The following MEI4 variants were observed in gnomAD, a reference collection of about 807,000 sequenced individuals.
MEI4 encodes the protein meiotic double-stranded break formation protein 4.
A neutral mutation model predicts 31.4 loss-of-function variants in MEI4; 27 were observed. That is an observed-to-expected ratio of 0.86 (90% CI 0.63 to 1.19). The LOEUF is 1.19. Ranked by LOEUF, MEI4 falls within the 50% of genes most tolerant of loss-of-function variation. The pLI is 0.00. For missense variants in MEI4, 329 were observed against 398.9 expected, an observed-to-expected ratio of 0.82 and a Z score of 1.49; for synonymous variants, 122 against 145.4, an observed-to-expected ratio of 0.84 and a Z score of 1.16.
At chr6:77,844,849 G>T (rs1770443548) in intron 4 of MEI4, among the ~76,000 whole-genome samples, 1 of 152,108 alleles carries the variant, frequency 6.6e-6, no homozygotes, top group Admixed American at 6.6e-5. Context: ...TGATGCAGTA[G>T]AGATGGCTAT....
At chr6:77,919,757 C>G (rs1346208993) in intron 4 of MEI4, among the ~76,000 whole-genome samples, 1 of 148,530 alleles carries the variant, frequency 6.7e-6, no homozygotes, top group Non-Finnish European at 1.5e-5. Flanking sequence ...TCTAGCAAGA[C>G]TAATAAAGAA....
At position 77,847,458 on chromosome 6, in the gene MEI4, AAAG is replaced by A. The variant is rs1770515797; in HGVS notation, c.900+18400_900+18402del. Among the ~76,000 whole-genome samples, 1 of 152,190 alleles carries A rather than the reference AAAG, an allele frequency of 6.6e-6. No individual in the cohort carries two copies. The highest frequency in any genetic ancestry group is 1.5e-5 in the Non-Finnish European group (1 of 68,034). On this transcript the variant is annotated intron_variant, in intron 4 of 4. Coordinates refer to ENST00000684080, the MANE Select transcript of MEI4 (RefSeq NM_001322247.2). The surrounding 1 kb of genome is among the most constrained non-coding windows in gnomAD (Gnocchi z 4.6). ...CATGATGAGGTCTATCAGTCACTGA[AAAG>A]AAGTCAGCAGAGTCATTTCAGTGTC...
chr6:77,659,422 G>C (rs1768459584), intron 1 of MEI4, among the ~76,000 whole-genome samples: 1 of 152,172 alleles, frequency 6.6e-6, no homozygotes, highest in South Asian at 2.1e-4. Flanking sequence ...AGTGCTGAAA[G>C]GGGTGTCTTG....
intron 3 of MEI4, among the ~76,000 whole-genome samples, chr6:77,803,331 T>G (rs1040870469): frequency 6.6e-6 from 1 of 152,208 alleles, no homozygotes; most frequent in Admixed American, 6.5e-5. Flanking sequence ...ATCAGGTCCT[T>G]TAAGGACTTC....
At chr6:77,735,319 G>A (rs1252773299) in intron 2 of MEI4, among the ~76,000 whole-genome samples, 1 of 151,770 alleles carries the variant, frequency 6.6e-6, no homozygotes, top group Non-Finnish European at 1.5e-5. Context: ...ATTTCTTGGA[G>A]GCTTTGCTCA....
intron 3 of MEI4, among the ~76,000 whole-genome samples, chr6:77,800,951 C>T (rs532999086): frequency 1.3e-5 from 2 of 152,206 alleles, no homozygotes; most frequent in South Asian, 4.1e-4. Context: ...GTCTAAAATT[C>T]TCTTTTTTGG....
At chr6:77,746,096 C>G (rs545942170) in intron 2 of MEI4, among the ~76,000 whole-genome samples, 1 of 152,072 alleles carries the variant, frequency 6.6e-6, no homozygotes, top group Non-Finnish European at 1.5e-5. Context: ...CAAAAGCTAG[C>G]AGAAGGCAAG....
intron 4 of MEI4, among the ~76,000 whole-genome samples, chr6:77,879,704 G>A (rs1409041242): frequency 1.3e-5 from 2 of 152,186 alleles, no homozygotes; most frequent in Non-Finnish European, 2.9e-5. Flanking sequence ...ATATACTTCT[G>A]TAGCTTTAGA....
intron 4 of MEI4, among the ~76,000 whole-genome samples, chr6:77,915,681 T>C (rs1766529180): frequency 6.6e-6 from 1 of 152,032 alleles, no homozygotes; most frequent in Non-Finnish European, 1.5e-5. Context: ...GGTCCCTTTA[T>C]AATTATATAA....
rs189006195 is a variant in MEI4, at chr6:77,845,382, G to T, written c.900+16320G>T. 2.6e-5 allele frequency among the ~76,000 whole-genome samples: 4 copies of T among 152,280 alleles called. No individual in the cohort carries two copies. In the East Asian group the frequency reaches 7.7e-4, roughly 29 times the overall value. The stretch of plus-strand genomic sequence containing the variant: ...TGTCTACATGTGTCTGTGAGGGGGA[G>T]TGTGTTTATTACTTTCAAATACTCT... On this transcript the variant is annotated intron_variant, in intron 4 of 4. Transcript: ENST00000684080.
intron 4 of MEI4, among the ~76,000 whole-genome samples, chr6:77,878,694 A>G (rs1002957478): frequency 4.6e-5 from 7 of 152,084 alleles, no homozygotes; most frequent in African/African-American, 1.7e-4. Context: ...AGATAACACA[A>G]ACCGCTCAAG....
intron 3 of MEI4, among the ~76,000 whole-genome samples, chr6:77,827,645 T>C (rs1281377459): frequency 6.6e-6 from 1 of 152,142 alleles, no homozygotes; most frequent in Non-Finnish European, 1.5e-5. Flanking sequence ...AAGAAAAAGA[T>C]TATCATGTGT....
At chr6:77,918,180 A>G (rs1390584234) in intron 4 of MEI4, among the ~76,000 whole-genome samples, 1 of 151,832 alleles carries the variant, frequency 6.6e-6, no homozygotes. Flanking sequence ...GCCTTGTAGT[A>G]TAGTTTGAAG....
At chr6:77,920,965 T>A (rs1463415905) in intron 4 of MEI4, among the ~76,000 whole-genome samples, 2 of 151,916 alleles carry the variant, frequency 1.3e-5, no homozygotes, top group East Asian at 1.9e-4. Flanking sequence ...TACTTAAGGA[T>A]TCCAGAATTG....
intron 1 of MEI4, among the ~76,000 whole-genome samples, chr6:77,681,500 A>G (rs1022916479): frequency 6.6e-6 from 1 of 152,200 alleles, no homozygotes; most frequent in African/African-American, 2.4e-5. Flanking sequence ...ATGGATTTAC[A>G]TAGTGGAATG....
chr6:77,706,001 T>G (rs955644853), intron 2 of MEI4, among the ~76,000 whole-genome samples: 1 of 152,126 alleles, frequency 6.6e-6, no homozygotes, highest in Admixed American at 6.5e-5. Flanking sequence ...GTATGCTGAG[T>G]ACTTCGAACT....
At chr6:77,897,215 G>A (rs4280930) in intron 4 of MEI4, among the ~76,000 whole-genome samples, 21,871 of 151,918 alleles carry the variant, frequency 0.14, 1,861 homozygotes, top group East Asian at 0.39. Flanking sequence ...CCCCAAAAGA[G>A]TGTTACTTAC....
intron 3 of MEI4, among the ~76,000 whole-genome samples, chr6:77,765,647 G>C (rs1034874880): frequency 2.1e-5 from 3 of 144,950 alleles, no homozygotes; most frequent in African/African-American, 7.8e-5. Context: ...CAGGGATCTA[G>C]AACTAGAAAT....
chr6:77,761,464 A>C lies in MEI4; in HGVS notation c.567A>C (p.Gln189His). 1 of 1,232,140 alleles carries C rather than the reference A, an allele frequency of 8.1e-7. No homozygotes were observed. Among genetic ancestry groups the C allele is most frequent in the South Asian group, 4.1e-5 (1 of 24,318 alleles). The allele number at this position is 1,232,140 out of a possible 1,614,324, so 76.3% of individuals were successfully genotyped here. A position where few individuals can be genotyped will look rare whatever the true frequency, so the allele number is the denominator to read the frequency against. ...DSSTVSDSVF[Q>H]LLDGLITFYR... is the part of the protein sequence containing the mutation. ...CCACAGTCTCTGATTCTGTTTTTCAATTGCTGGATGGCCTGATCACTTTTT... is the reference window on the plus strand; with the variant it reads ...CCACAGTCTCTGATTCTGTTTTTCACTTGCTGGATGGCCTGATCACTTTTT... Residue 189 changes from glutamine to histidine, a missense_variant, in exon 3 of 5, where the codon CAA (glutamine) becomes CAC (histidine). Coordinates refer to ENST00000684080, the MANE Select transcript of MEI4 (RefSeq NM_001322247.2).
Sources: allele counts gnomAD v4.1 joint callset (sites outside exome capture counted in the v4.1 genomes callset), GRCh38; gene constraint gnomAD v4.1.1; non-coding constraint Gnocchi (gnomAD v3.1); transcripts MANE v1.5; gene names NCBI Gene and HGNC (gene_info 2026-07-23, HGNC 2026-07-21).